The following SPOCK3 variants were observed in gnomAD, a reference collection of about 807,000 sequenced individuals.
The protein encoded by SPOCK3 is testican-3.
A neutral mutation model predicts 56.6 loss-of-function variants in SPOCK3; 30 were observed. The ratio of observed to expected loss-of-function variants is 0.53; its 90% CI spans 0.40 to 0.72. The LOEUF is 0.72. Among genes scored for constraint, SPOCK3 ranks in the 30% least tolerant of loss-of-function variants. SPOCK3 has a pLI of 0.00. For missense variants in SPOCK3, 527 were observed against 530.0 expected (o/e 0.99, Z 0.06); for synonymous variants, 196 against 183.3 (o/e 1.07, Z -0.56).
intron 6 of SPOCK3, among the ~76,000 whole-genome samples, chr4:166,884,591 A>G (rs1210945161): frequency 6.6e-6 from 1 of 152,152 alleles, no homozygotes; most frequent in Admixed American, 6.5e-5. Flanking sequence ...AAGTTATGTA[A>G]TTTACTAGGA....
chr4:167,016,636 G>A (rs999660161), intron 3 of SPOCK3, among the ~76,000 whole-genome samples: 30 of 151,960 alleles, frequency 2.0e-4, no homozygotes, highest in African/African-American at 6.8e-4. Context: ...TGCCTCCTGG[G>A]TTCAAGCGAT....
chr4:167,090,268 A>T (rs1317513395), intron 2 of SPOCK3, among the ~76,000 whole-genome samples: 1 of 151,940 alleles, frequency 6.6e-6, no homozygotes, highest in African/African-American at 2.4e-5. Flanking sequence ...ATTGCTCTGC[A>T]CCCTCATCAG....
At chr4:167,015,223 C>G (rs1224821630) in intron 3 of SPOCK3, among the ~76,000 whole-genome samples, 1 of 151,986 alleles carries the variant, frequency 6.6e-6, no homozygotes, top group Non-Finnish European at 1.5e-5. Flanking sequence ...ATCTCATTTT[C>G]CCAAAACTTC....
At chr4:166,950,909 C>A (rs1742519651) in intron 4 of SPOCK3, among the ~76,000 whole-genome samples, 1 of 139,244 alleles carries the variant, frequency 7.2e-6, no homozygotes, top group South Asian at 2.4e-4. Flanking sequence ...CACAACATAC[C>A]AGAATCTCTG....
rs576050350 is a variant in SPOCK3 at position 166,746,840 on chromosome 4, A to G, written c.932-4781T>C. 3.3e-5 allele frequency among the ~76,000 whole-genome samples: 5 copies of G among 152,302 alleles called. No individual in the cohort carries two copies. The East Asian group carries it at 9.6e-4, about 29-fold the overall frequency. Reference sequence around the variant, plus strand: ...CCACAGAAATACAAACTACCATCAGAGAATACTGTAAACACCTTTACACAA... The same window carrying G: ...CCACAGAAATACAAACTACCATCAGGGAATACTGTAAACACCTTTACACAA... On this transcript the variant is annotated intron_variant, in intron 8 of 10. Transcript: ENST00000357545.
At chr4:166,766,586 T>C (rs1468222370) in intron 7 of SPOCK3, among the ~76,000 whole-genome samples, 2 of 152,206 alleles carry the variant, frequency 1.3e-5, no homozygotes, top group African/African-American at 4.8e-5. Flanking sequence ...TGGATTCGGT[T>C]TGCCAGTATC....
At chr4:167,185,131 A>C (rs1045527987) in intron 2 of SPOCK3, among the ~76,000 whole-genome samples, 6 of 152,214 alleles carry the variant, frequency 3.9e-5, no homozygotes, top group African/African-American at 1.4e-4. Context: ...GGTGAAAGCA[A>C]AACATAAAAT....
intron 4 of SPOCK3, among the ~76,000 whole-genome samples, chr4:166,980,517 C>T (rs1746460272): frequency 6.6e-6 from 1 of 152,198 alleles, no homozygotes; most frequent in South Asian, 2.1e-4. Flanking sequence ...CCCACTCAGC[C>T]TGGCAGGCTG....
intron 6 of SPOCK3, among the ~76,000 whole-genome samples, chr4:166,827,854 G>A (rs952343016): frequency 1.4e-5 from 2 of 147,372 alleles, no homozygotes; most frequent in Non-Finnish European, 1.5e-5. Context: ...AAAAAAAACT[G>A]TATGACTGAA....
At chr4:166,900,308 C>T (rs1401644886) in intron 5 of SPOCK3, among the ~76,000 whole-genome samples, 1 of 152,056 alleles carries the variant, frequency 6.6e-6, no homozygotes, top group Non-Finnish European at 1.5e-5. Flanking sequence ...TTCATGCTCC[C>T]GACCACCCAC....
intron 3 of SPOCK3, among the ~76,000 whole-genome samples, chr4:167,001,061 G>A (rs1748907183): frequency 6.6e-6 from 1 of 152,154 alleles, no homozygotes; most frequent in African/African-American, 2.4e-5. Flanking sequence ...AACCTGTCTT[G>A]ATGGCTGTCA....
intron 2 of SPOCK3, among the ~76,000 whole-genome samples, chr4:167,120,545 G>A (rs559706086): frequency 3.9e-5 from 6 of 152,014 alleles, no homozygotes; most frequent in South Asian, 4.1e-4. Flanking sequence ...TAAATAATTC[G>A]ATTACTCAGT....
rs192575873 is a variant in SPOCK3 at position 166,746,027 on chromosome 4, C to A, written c.932-3968G>T. Reference sequence around the variant, plus strand: ...CTACAAAGAGACTTAGACTCCCACACAATAATAATGGGAGACTTTAACACC... The same window carrying A: ...CTACAAAGAGACTTAGACTCCCACAAAATAATAATGGGAGACTTTAACACC... On this transcript the variant is annotated intron_variant, in intron 8 of 10. Transcript: ENST00000357545. Among the ~76,000 whole-genome samples, 283 of 152,212 alleles carry A rather than the reference C, an allele frequency of 1.9e-3. 3 individuals are homozygous for A. Among genetic ancestry groups the A allele is most frequent in the African/African-American group, 5.1e-3 (211 of 41,524 alleles).
intron 6 of SPOCK3, among the ~76,000 whole-genome samples, chr4:166,850,503 C>T (rs917545971): frequency 6.6e-6 from 1 of 152,206 alleles, no homozygotes; most frequent in African/African-American, 2.4e-5. Context: ...TCTACAGCTC[C>T]CAGCGTGAGC....
intron 3 of SPOCK3, among the ~76,000 whole-genome samples, chr4:167,055,257 G>C (rs1202149788): frequency 3.3e-5 from 5 of 152,096 alleles, no homozygotes; most frequent in African/African-American, 9.7e-5. Flanking sequence ...CTCACAAAAA[G>C]TCTTTTAAAT....
chr4:166,751,711 A>G (rs182098109), intron 8 of SPOCK3, among the ~76,000 whole-genome samples: 1 of 152,258 alleles, frequency 6.6e-6, no homozygotes, highest in African/African-American at 2.4e-5. Flanking sequence ...ATCTTACACA[A>G]CAGCGTTTTC....
At chr4:167,232,877 A>G (rs944783942) in intron 2 of SPOCK3, among the ~76,000 whole-genome samples, 7 of 152,186 alleles carry the variant, frequency 4.6e-5, no homozygotes, top group African/African-American at 1.4e-4. Flanking sequence ...AGGCAGGATG[A>G]AAGCTAGCCT....
intron 2 of SPOCK3, among the ~76,000 whole-genome samples, chr4:167,190,724 T>C (rs1053856246): frequency 6.9e-6 from 1 of 145,922 alleles, no homozygotes; most frequent in African/African-American, 2.6e-5. Context: ...ATGTTTGTTT[T>C]CTAGGGGTTT....
intron 2 of SPOCK3, among the ~76,000 whole-genome samples, chr4:167,134,248 G>C (rs1762934329): frequency 6.6e-6 from 1 of 151,652 alleles, no homozygotes; most frequent in Non-Finnish European, 1.5e-5. Flanking sequence ...GGCCAGGCTG[G>C]TCTTGAACTC....
Sources: gnomAD v4.1 joint callset for allele counts (sites outside exome capture counted in the v4.1 genomes callset) on GRCh38, gnomAD v4.1.1 for gene constraint, MANE v1.5 for transcripts, NCBI Gene and HGNC (gene_info 2026-07-23, HGNC 2026-07-21) for gene names.